The following RAB28 variants were observed in gnomAD, a reference collection of about 807,000 sequenced individuals.
RAB28 encodes the protein ras-related protein Rab-28.
A neutral mutation model predicts 31.7 loss-of-function variants in RAB28; 24 were observed. That is an observed-to-expected ratio of 0.76 (90% CI 0.55 to 1.06). The LOEUF (loss-of-function observed/expected upper bound fraction) is 1.06. Among genes scored for constraint, RAB28 ranks in the 50% least tolerant of loss-of-function variants. The probability of loss-of-function intolerance (pLI) is 0.00; values close to 1 mark genes in which losing one functional copy is unlikely to be tolerated. For synonymous variants in RAB28, 100 were observed against 90.4 expected (o/e 1.11, Z -0.60); for missense variants, 254 against 258.5 (o/e 0.98, Z 0.12).
At chr4:13,440,748 T>C (rs1038635123) in intron 4 of RAB28, among the ~76,000 whole-genome samples, 4 of 151,990 alleles carry the variant, frequency 2.6e-5, no homozygotes, top group African/African-American at 9.7e-5. Context: ...GTGAGTCCAT[T>C]TGGAGACAGG....
intron 4 of RAB28, among the ~76,000 whole-genome samples, chr4:13,388,263 G>A (rs1400657897): frequency 1.3e-5 from 2 of 151,960 alleles, no homozygotes; most frequent in African/African-American, 2.4e-5. Context: ...ACAACTCAGT[G>A]GGGAAAAGGA....
At chr4:13,463,893 A>G (rs1282109457) in intron 3 of RAB28, among the ~76,000 whole-genome samples, 1 of 152,120 alleles carries the variant, frequency 6.6e-6, no homozygotes, top group Non-Finnish European at 1.5e-5. Context: ...GACATGTAAA[A>G]AAAAACCATG....
intron 1 of RAB28, 90 bp downstream of exon 1, chr4:13,483,986 G>A: frequency 1.6e-6 from 2 of 1,268,504 alleles, no homozygotes; most frequent in Non-Finnish European, 2.2e-6. Context: ...AGGGCTCGGG[G>A]TAACGAGGCG....
At chr4:13,483,259 A>G (rs936207418) in intron 1 of RAB28, among the ~76,000 whole-genome samples, 1 of 152,142 alleles carries the variant, frequency 6.6e-6, no homozygotes, top group Non-Finnish European at 1.5e-5. Flanking sequence ...CTAGGAGATA[A>G]TAAGACTGAC....
chr4:13,476,224 T>C (rs1355118862), intron 2 of RAB28, among the ~76,000 whole-genome samples: 4 of 151,556 alleles, frequency 2.6e-5, no homozygotes, highest in Non-Finnish European at 5.9e-5. Context: ...CTTCATTACA[T>C]GTTTTCAAAT....
chr4:13,465,446 G>A (rs1408230902), intron 3 of RAB28, among the ~76,000 whole-genome samples: 2 of 151,154 alleles, frequency 1.3e-5, no homozygotes, highest in Non-Finnish European at 3.0e-5. Flanking sequence ...AAAAATTACA[G>A]AGAATAGCTC....
chr4:13,437,298 G>A (rs973176572), intron 4 of RAB28, among the ~76,000 whole-genome samples: 1 of 151,982 alleles, frequency 6.6e-6, no homozygotes, highest in Admixed American at 6.6e-5. Context: ...CTGAACATTG[G>A]CATAGGCAAA....
intron 4 of RAB28, among the ~76,000 whole-genome samples, chr4:13,437,554 A>C (rs1323578175): frequency 6.6e-6 from 1 of 152,106 alleles, no homozygotes; most frequent in African/African-American, 2.4e-5. Flanking sequence ...ATGACATACA[A>C]CACTTCTCAA....
rs1715316519 is a variant in RAB28, at chr4:13,456,601, G to A, written c.391+4098C>T. ...AATGAAGAAATTGGGCTTGTAAGCA[G>A]TCTGTCTAAATCCAAAGCTCTATGA... On this transcript the variant is annotated intron_variant, in intron 4 of 6. Coordinates refer to ENST00000330852, the MANE Select transcript of RAB28 (RefSeq NM_001017979.3). 2.0e-5 allele frequency among the ~76,000 whole-genome samples: 3 copies of A among 152,194 alleles called. No individual in the cohort carries two copies. The South Asian group carries it at 6.2e-4, about 32-fold the overall frequency.
At chr4:13,436,795 A>G (rs1714138034) in intron 4 of RAB28, among the ~76,000 whole-genome samples, 1 of 152,172 alleles carries the variant, frequency 6.6e-6, no homozygotes, top group South Asian at 2.1e-4. Flanking sequence ...ACCCAAAGCA[A>G]TCTACCAGTT....
chr4:13,459,231 A>G (rs1715463236), intron 4 of RAB28, among the ~76,000 whole-genome samples: 2 of 151,978 alleles, frequency 1.3e-5, no homozygotes, highest in African/African-American at 4.8e-5. Flanking sequence ...TGGCTTCCCT[A>G]CTTTTGAGGT....
At chr4:13,384,776 A>G (rs1017333555) in intron 4 of RAB28, among the ~76,000 whole-genome samples, 18 of 152,256 alleles carry the variant, frequency 1.2e-4, no homozygotes, top group African/African-American at 4.1e-4. Flanking sequence ...GAATGAACAT[A>G]AGAACTCTAA....
intron 5 of RAB28, among the ~76,000 whole-genome samples, chr4:13,379,346 C>T (rs146430597): frequency 1.6e-4 from 24 of 152,054 alleles, no homozygotes; most frequent in Non-Finnish European, 3.2e-4. Flanking sequence ...CTCCAGCATG[C>T]CTCTGTGTTT....
rs1375941722 is a variant in RAB28 at position 13,369,964 on chromosome 4, C to T, written c.574-1314G>A. The T allele has an allele frequency of 1.7e-5, 27 of 1,608,800 alleles. No individual in the cohort carries two copies. The East Asian group carries it at 3.1e-4, about 19-fold the overall frequency. ...CTTCACTATTTCTGCCCTGACAATA[C>T]GCTGTCAATTCCATACAACATAAAT... is the stretch of plus-strand genomic sequence containing the variant. On this transcript the variant is annotated intron_variant, in intron 6 of 6. Coordinates refer to ENST00000330852, the MANE Select transcript of RAB28 (RefSeq NM_001017979.3).
chr4:13,447,743 G>T (rs1012849529), intron 4 of RAB28, among the ~76,000 whole-genome samples: 10 of 151,974 alleles, frequency 6.6e-5, no homozygotes, highest in Non-Finnish European at 1.2e-4. Context: ...TTATTATGAT[G>T]ATGTATATGT....
Position 13,474,333 on chromosome 4 carries a change from A to G in RAB28, c.246T>C (p.Tyr82=). 1.3e-6 allele frequency: 2 copies of G among 1,588,814 alleles called. No individual in the cohort carries two copies. Among genetic ancestry groups the G allele is most frequent in the South Asian group, 1.1e-5 (1 of 89,524 alleles). ...CATATCATACCTGTGCTCCATAGAT[A>G]TATTTATCCAACATTTTGCCTCCTA... ...QTIGGKMLDK[Y]IYGAQGVLLV... is the part of the protein sequence containing the mutation. The change falls in exon 3 of 7, where the codon TAT becomes TAC. Residue 82 remains tyrosine, a synonymous_variant. Coordinates refer to ENST00000330852, the MANE Select transcript of RAB28 (RefSeq NM_001017979.3).
chr4:13,465,745 G>A (rs1032470486), intron 3 of RAB28, among the ~76,000 whole-genome samples: 1 of 140,032 alleles, frequency 7.1e-6, no homozygotes, highest in African/African-American at 3.0e-5. Context: ...AATAACCAAG[G>A]CAATCATGAA....
At chr4:13,374,174 C>T (rs1001116847) in intron 6 of RAB28, among the ~76,000 whole-genome samples, 8 of 152,060 alleles carry the variant, frequency 5.3e-5, no homozygotes, top group African/African-American at 1.2e-4. Flanking sequence ...AAGAGTGCTG[C>T]AGTAACTTGA....
intron 6 of RAB28, chr4:13,371,149 C>T (rs1297259291): frequency 3.0e-6 from 3 of 985,192 alleles, no homozygotes; most frequent in Non-Finnish European, 3.6e-6. Flanking sequence ...GATGCTGAGG[C>T]ATACGAACAT....
Sources: gnomAD v4.1 joint callset for allele counts (sites outside exome capture counted in the v4.1 genomes callset) on GRCh38, gnomAD v4.1.1 for gene constraint, MANE v1.5 for transcripts, NCBI Gene and HGNC (gene_info 2026-07-23, HGNC 2026-07-21) for gene names.